The following SNCAIP variants were observed in gnomAD, a reference collection of about 807,000 sequenced individuals.
SNCAIP encodes the protein synphilin-1.
In SNCAIP, 43 loss-of-function variants were observed where a neutral mutation model predicts 86.7. The ratio of observed to expected loss-of-function variants is 0.50; its 90% CI spans 0.39 to 0.64. The LOEUF is 0.64. Ranked by LOEUF, SNCAIP falls within the 30% of genes least tolerant of loss-of-function variation. The pLI is 0.00. For synonymous variants in SNCAIP, 417 were observed against 427.2 expected (o/e 0.98, Z 0.29); for missense variants, 981 against 1,103.1 (o/e 0.89, Z 1.57).
chr5:122,337,219 C>G (rs1580474483), intron 1 of SNCAIP, among the ~76,000 whole-genome samples: 2 of 152,046 alleles, frequency 1.3e-5, no homozygotes, highest in East Asian at 3.9e-4. Context: ...TTCAATGATC[C>G]TACGTAATAA....
chr5:122,335,126 A>G (rs942315976), intron 1 of SNCAIP, among the ~76,000 whole-genome samples: 1 of 152,224 alleles, frequency 6.6e-6, no homozygotes, highest in Non-Finnish European at 1.5e-5. Flanking sequence ...TTGATGACTA[A>G]AATATCTTAT....
At chr5:122,340,793 T>C (rs1359070254) in intron 1 of SNCAIP, among the ~76,000 whole-genome samples, 1 of 152,220 alleles carries the variant, frequency 6.6e-6, no homozygotes, top group African/African-American at 2.4e-5. Flanking sequence ...GTCAATTCCT[T>C]GGAAATTTTA....
At chr5:122,438,853 C>T (rs1329004653) in intron 6 of SNCAIP, among the ~76,000 whole-genome samples, 1 of 152,110 alleles carries the variant, frequency 6.6e-6, no homozygotes, top group African/African-American at 2.4e-5. Flanking sequence ...ACCAAATCAC[C>T]ACAAGTTTGA....
In SNCAIP at chr5:122,341,436, A is replaced by G. The variant is rs969652633; in HGVS notation, c.-47+29152A>G. 2.6e-5 allele frequency among the ~76,000 whole-genome samples: 4 copies of G among 152,220 alleles called. 1 individual carries two copies. The South Asian group carries it at 8.3e-4, about 31-fold the overall frequency. On this transcript the variant is annotated intron_variant, in intron 1 of 10. Transcript: ENST00000261368. ...ATTCATGTCAATATTCATTTTCTAT[A>G]GTTTTGTGTTACATTCACCAAAGGG...
rs1781882816 is a variant in SNCAIP at position 122,444,607 on chromosome 5, T to G, written c.1467T>G (p.Ala489=). The change falls in exon 8 of 11, where the codon GCT becomes GCG. Residue 489 remains alanine (A), a synonymous_variant. Coordinates refer to ENST00000261368, the MANE Select transcript of SNCAIP (RefSeq NM_005460.4). ...YGANVTMQNH[A]GEKPSQSAER... ...CAAATGTCACCATGCAGAACCACGC[T>G]GGGGAAAAGCCCTCCCAGAGCGCCG... 3.1e-6 allele frequency: 5 copies of G among 1,614,186 alleles called. No individual in the cohort carries two copies. In the African/African-American group the frequency reaches 6.7e-5, roughly 22 times the overall value.
chr5:122,372,907 A>G (rs1764546144), intron 1 of SNCAIP, among the ~76,000 whole-genome samples: 1 of 152,064 alleles, frequency 6.6e-6, no homozygotes, highest in Non-Finnish European at 1.5e-5. Context: ...CTACAAGATC[A>G]TCAGAACAGG....
chr5:122,380,118 C>G (rs1321320522), intron 1 of SNCAIP, among the ~76,000 whole-genome samples: 4 of 152,114 alleles, frequency 2.6e-5, no homozygotes, highest in Admixed American at 2.6e-4. Context: ...AGGAATGGTA[C>G]CAGCGCCTCC....
chr5:122,343,649 A>G (rs1017749015), intron 1 of SNCAIP, among the ~76,000 whole-genome samples: 3 of 152,198 alleles, frequency 2.0e-5, no homozygotes, highest in African/African-American at 4.8e-5. Context: ...CTCAATCGCT[A>G]TGGCAGGGTT....
chr5:122,415,805 C>T (rs980906188), intron 3 of SNCAIP, among the ~76,000 whole-genome samples: 1 of 152,178 alleles, frequency 6.6e-6, no homozygotes. Flanking sequence ...TTCACTGTCC[C>T]TTGAAATGTA....
chr5:122,390,590 C>T (rs1002807771), intron 1 of SNCAIP, among the ~76,000 whole-genome samples: 1 of 152,102 alleles, frequency 6.6e-6, no homozygotes. Flanking sequence ...CTAAAATATC[C>T]ATTACTCTTG....
intron 1 of SNCAIP, among the ~76,000 whole-genome samples, chr5:122,344,159 C>T (rs1452960409): frequency 6.6e-6 from 1 of 152,112 alleles, no homozygotes; most frequent in Non-Finnish European, 1.5e-5. Flanking sequence ...AAAATGTAAG[C>T]TTCATGAAAG....
chr5:122,328,427 C>T (rs879635544), intron 1 of SNCAIP, among the ~76,000 whole-genome samples: 5 of 152,106 alleles, frequency 3.3e-5, no homozygotes, highest in Non-Finnish European at 7.4e-5. Context: ...GGTGAATAGC[C>T]CCAGCTTTCA....
intron 1 of SNCAIP, among the ~76,000 whole-genome samples, chr5:122,375,624 A>G (rs1288809696): frequency 6.6e-6 from 1 of 152,114 alleles, no homozygotes; most frequent in East Asian, 1.9e-4. Context: ...GAAGACACTA[A>G]GAACATCTTT....
Position 122,313,181 on chromosome 5 carries a change from G to A in SNCAIP, c.-47+897G>A, listed in dbSNP as rs1190180062. 5.9e-5 allele frequency among the ~76,000 whole-genome samples: 9 copies of A among 152,228 alleles called. No individual in the cohort carries two copies. In the South Asian group the frequency reaches 8.3e-4, roughly 14 times the overall value. The stretch of plus-strand genomic sequence containing the variant: ...ACGTGTTGTTTTTTCCTGTGGGAAC[G>A]TTGCTTTCCTTGGGAAAGTTAATTA... On this transcript the variant is annotated intron_variant, in intron 1 of 10. Transcript: ENST00000261368.
chr5:122,455,935 G>A (rs1310917533), intron 10 of SNCAIP, among the ~76,000 whole-genome samples: 1 of 152,176 alleles, frequency 6.6e-6, no homozygotes, highest in Non-Finnish European at 1.5e-5. Flanking sequence ...TCTTACAAAA[G>A]ACAAGTTGTT....
intron 6 of SNCAIP, 37 bp from the exon 7 acceptor site, chr5:122,440,592 G>C: frequency 6.2e-7 from 1 of 1,602,384 alleles, no homozygotes; most frequent in Non-Finnish European, 8.6e-7. Context: ...TTCTCTGCAA[G>C]ATATTACATG....
At chr5:122,386,934 T>G (rs1217729479) in intron 1 of SNCAIP, among the ~76,000 whole-genome samples, 2 of 151,934 alleles carry the variant, frequency 1.3e-5, no homozygotes, top group Non-Finnish European at 2.9e-5. Context: ...ACAATACTCA[T>G]GGTGGACAAA....
chr5:122,431,472 C>T (rs1285477041), intron 5 of SNCAIP, among the ~76,000 whole-genome samples: 1 of 152,040 alleles, frequency 6.6e-6, no homozygotes, highest in East Asian at 1.9e-4. Context: ...CAAAGGCCTG[C>T]TATGTAAAAG....
intron 1 of SNCAIP, among the ~76,000 whole-genome samples, chr5:122,318,931 C>T (rs1175596715): frequency 6.7e-6 from 1 of 150,326 alleles, no homozygotes; most frequent in Non-Finnish European, 1.5e-5. Context: ...TTAGTTCTCA[C>T]AGCAGCCCTA....
Sources: allele counts gnomAD v4.1 joint callset (sites outside exome capture counted in the v4.1 genomes callset), GRCh38; gene constraint gnomAD v4.1.1; transcripts MANE v1.5; gene names NCBI Gene and HGNC (gene_info 2026-07-23, HGNC 2026-07-21).